IQSEC2: variants seen among roughly 807,000 people sequenced by gnomAD.
The protein encoded by IQSEC2 is IQ motif and Sec7 domain ArfGEF 2, also known as IQ motif and SEC7 domain-containing protein 2.
Under a neutral mutation model 74.6 loss-of-function variants are expected in IQSEC2, and 6 were observed. That is an observed-to-expected ratio of 0.08 (90% confidence interval 0.04 to 0.16). The LOEUF is 0.16. Ranked by LOEUF, IQSEC2 falls within the 10% of genes least tolerant of loss-of-function variation. The pLI is 1.00. For missense variants in IQSEC2, 734 were observed against 1,306.2 expected, an observed-to-expected ratio of 0.56 and a Z score of 6.75; for synonymous variants, 494 against 544.5, an observed-to-expected ratio of 0.91 and a Z score of 1.29.
chrX:53,236,231 G>A, intron 13 of IQSEC2, 91 bp downstream of exon 13: 2 of 976,008 alleles, frequency 2.0e-6, no homozygotes, highest in Admixed American at 2.6e-5. Context: ...TGTGTGGCAG[G>A]TGGAGGGAAG....
At chrX:53,281,478 C>G (rs1443652808) in intron 2 of IQSEC2, 3 of 1,008,440 alleles carry the variant, frequency 3.0e-6, no homozygotes, top group Non-Finnish European at 4.1e-6. Flanking sequence ...GGCCAGGCTG[C>G]GGGGCCCAGG....
chrX:53,257,380 C>A (rs781882175), intron 2 of IQSEC2, among the ~76,000 whole-genome samples: 3 of 112,605 alleles, frequency 2.7e-5, no homozygotes, highest in Non-Finnish European at 5.6e-5. Flanking sequence ...CGGGCTGCAG[C>A]GCTGTGGAGC....
intron 2 of IQSEC2, among the ~76,000 whole-genome samples, chrX:53,270,092 C>T (rs2074719432): frequency 9.0e-6 from 1 of 110,836 alleles, no homozygotes; most frequent in Non-Finnish European, 1.9e-5. Context: ...GCTTGCTGGA[C>T]AGCTCTACCA....
chrX:53,249,237 C>A (rs56780443), intron 5 of IQSEC2, among the ~76,000 whole-genome samples: 1 of 111,991 alleles, frequency 8.9e-6, no homozygotes, highest in East Asian at 2.8e-4. Flanking sequence ...CACCTTCCCT[C>A]TGAGTCACAG....
rs1425766090 is a variant in IQSEC2, at chrX:53,234,489, T to C, written c.4197A>G (p.Ala1399=). 2.2e-5 allele frequency: 24 copies of C among 1,086,976 alleles called. No homozygotes were observed. The highest frequency in any genetic ancestry group is 2.8e-5 in the Non-Finnish European group (23 of 834,818). The allele number at this position is 1,086,976 out of a possible 1,213,427, so 89.6% of individuals were successfully genotyped here. The part of the protein sequence containing the change: ...IFSHHPQMMP[A]AGAAGGPGSR... The stretch of plus-strand genomic sequence containing the variant: ...ATCCAGGGCCCCCAGCCGCGCCTGC[T>C]GCTGGCATCATCTGTGGGTGGTGGC... Residue 1399 remains alanine (A), a synonymous_variant, in exon 15 of 15, where the codon GCA becomes GCG. Transcript: ENST00000642864.
intron 3 of IQSEC2, among the ~76,000 whole-genome samples, chrX:53,255,319 G>A (rs2074450406): frequency 9.0e-6 from 1 of 111,369 alleles, no homozygotes; most frequent in Non-Finnish European, 1.9e-5. Flanking sequence ...AGGTAGGTAG[G>A]TAGGTTGAAT....
chrX:53,236,174 C>G, intron 13 of IQSEC2, 148 bp downstream of exon 13: 1 of 687,944 alleles, frequency 1.5e-6, no homozygotes, highest in Non-Finnish European at 2.2e-6. Context: ...TCCCAGGCCC[C>G]CTGTGGCGCA....
chrX:53,235,905 G>A (rs1343888065), intron 13 of IQSEC2, 73 bp from the exon 14 acceptor site: 1 of 1,026,168 alleles, frequency 9.7e-7, no homozygotes, highest in African/African-American at 1.9e-5. Context: ...CCAGAGCTGG[G>A]CACCAGGACT....
rs2075424415 is a variant in IQSEC2, at chrX:53,320,826, G to A, written c.298C>T (p.Arg100Cys). 8.6e-7 allele frequency: 1 copy of A among 1,164,868 alleles called. No homozygotes were observed. Among genetic ancestry groups the A allele is most frequent in the Admixed American group, 2.6e-5 (1 of 38,744 alleles). Residue 100 changes from arginine to cysteine, a missense_variant, in exon 1 of 15, where the codon CGC (arginine) becomes TGC (cysteine). Coordinates refer to ENST00000642864, the MANE Select transcript of IQSEC2 (RefSeq NM_001111125.3). ...QNLRETQFHH[R>C]ELRESQFHQA... Reference sequence around the variant, plus strand: ...TGGAACTGGCTCTCCCGCAGCTCGCGGTGGTGGAACTGGGTCTCGCGCAGG... The same window carrying A: ...TGGAACTGGCTCTCCCGCAGCTCGCAGTGGTGGAACTGGGTCTCGCGCAGG...
At chrX:53,246,128 C>G (rs1228405985) in intron 8 of IQSEC2, among the ~76,000 whole-genome samples, 1 of 111,662 alleles carries the variant, frequency 9.0e-6, no homozygotes, top group East Asian at 2.8e-4. Flanking sequence ...TCACAAAGTG[C>G]TGGGATTACA....
chrX:53,252,910 C>T (rs2074413902), intron 4 of IQSEC2, among the ~76,000 whole-genome samples: 1 of 111,840 alleles, frequency 8.9e-6, no homozygotes, highest in Non-Finnish European at 1.9e-5. Context: ...CTCCTATTTC[C>T]CATTCCTCCC....
Position 53,254,597 on chromosome X carries a change from C to T in IQSEC2, c.1334G>A (p.Ser445Asn). 1 of 1,192,018 alleles carries T rather than the reference C, an allele frequency of 8.4e-7. No individual in the cohort carries two copies. ...SCGGGIDGGGSSVTTSGEFSN... is the reference protein window; with the variant it reads ...SCGGGIDGGGNSVTTSGEFSN... ...AAACTCTCCAGATGTGGTGACGGAG[C>T]TTCCACCACCATCGATGCCCCCACC... Residue 445 changes from serine (S) to asparagine (N), a missense_variant, in exon 4 of 15, where the codon AGC (serine) becomes AAC (asparagine). Around this residue, in one of 12 missense-constraint regions of IQSEC2, gnomAD observed 204 missense variants for 305.4 expected, o/e 0.67. Transcript: ENST00000642864.
intron 1 of IQSEC2, among the ~76,000 whole-genome samples, chrX:53,315,896 C>CT (rs2075365701): frequency 9.0e-6 from 1 of 111,430 alleles, no homozygotes; most frequent in Non-Finnish European, 1.9e-5. Flanking sequence ...TCTGGTCTGA[C>CT]GTCTTCCTCC....
intron 9 of IQSEC2, 104 bp downstream of exon 9, chrX:53,243,228 G>T (rs781835340): frequency 1.1e-5 from 7 of 639,154 alleles, no homozygotes; most frequent in Non-Finnish European, 1.7e-5. Context: ...ACTCTGTATT[G>T]CAGGTAAAGG....
intron 1 of IQSEC2, among the ~76,000 whole-genome samples, chrX:53,317,334 T>A (rs1451047894): frequency 8.9e-6 from 1 of 111,805 alleles, no homozygotes; most frequent in Non-Finnish European, 1.9e-5. Flanking sequence ...GCAGAAGGGA[T>A]ACTGGCATCC....
chrX:53,279,186 A>G (rs60803171), intron 2 of IQSEC2: 9,919 of 136,597 alleles, frequency 0.073, 529 homozygotes, highest in East Asian at 0.27. Context: ...ATCTCAGAAA[A>G]AAAAAAAAGA....
intron 1 of IQSEC2, among the ~76,000 whole-genome samples, chrX:53,301,607 T>A (rs1266063670): frequency 8.9e-6 from 1 of 111,949 alleles, no homozygotes; most frequent in Non-Finnish European, 1.9e-5. Context: ...AGGAGCGGCC[T>A]AAGGGGAAGG....
chrX:53,256,184 T>C lies in IQSEC2; in HGVS notation c.738-123A>G, dbSNP rs2074464561. 4.3e-6 allele frequency: 3 copies of C among 695,053 alleles called. No individual in the cohort carries two copies. The South Asian group carries it at 9.7e-5, about 22-fold the overall frequency. The allele number at this position is 695,053 out of a possible 1,213,427, so 57.3% of individuals were successfully genotyped here. The stretch of plus-strand genomic sequence containing the variant: ...CCATCCACCCCAGCTTCCTCACAGA[T>C]ATAGGGACCCAACACTTACAGGCCA... On this transcript the variant is annotated intron_variant, in intron 2 of 14. Coordinates refer to ENST00000642864, the MANE Select transcript of IQSEC2 (RefSeq NM_001111125.3).
chrX:53,253,566 T>G (rs782648365), intron 4 of IQSEC2, among the ~76,000 whole-genome samples: 6 of 112,472 alleles, frequency 5.3e-5, no homozygotes, highest in Non-Finnish European at 1.1e-4. Context: ...CTTTTCTGTC[T>G]GGTAAGGTCC....
Sources: allele counts gnomAD v4.1 joint callset (sites outside exome capture counted in the v4.1 genomes callset), GRCh38; gene constraint gnomAD v4.1.1; regional missense constraint gnomAD v4.1.1; transcripts MANE v1.5; gene names NCBI Gene and HGNC (gene_info 2026-07-23, HGNC 2026-07-21).